Variants in AKAP10 observed in about 807,000 individuals in gnomAD.
The protein encoded by AKAP10 is A-kinase anchor protein 10, mitochondrial.
AKAP10 carries 24 observed loss-of-function variants against 80.8 expected under a neutral mutation model. The observed-to-expected ratio is 0.30, with a 90% CI of 0.22 to 0.42. The LOEUF (loss-of-function observed/expected upper bound fraction) is 0.42. AKAP10 is among the 10% of genes least tolerant of loss of function. The pLI is 1.00. For missense variants in AKAP10, 661 were observed against 794.9 expected (o/e 0.83, Z 2.03); for synonymous variants, 291 against 277.7 (o/e 1.05, Z -0.48).
Position 19,906,180 on chromosome 17 carries a change from GT to G in AKAP10, c.*46del, listed in dbSNP as rs1164751914. 6.3e-7 allele frequency: 1 copy of G among 1,584,808 alleles called. No homozygotes were observed. The highest frequency in any genetic ancestry group is 8.6e-7 in the Non-Finnish European group (1 of 1,156,754). On this transcript the variant is annotated 3_prime_UTR_variant, in exon 15 of 15. Coordinates refer to ENST00000225737, the MANE Select transcript of AKAP10 (RefSeq NM_007202.4). Reference sequence around the variant, plus strand: ...TGAAGAATCCAACCAAGGGAAAAAAGTTCTCTTATTTTTCACAAGCAGATTT... The same window carrying G: ...TGAAGAATCCAACCAAGGGAAAAAAGTCTCTTATTTTTCACAAGCAGATTT...
intron 4 of AKAP10, among the ~76,000 whole-genome samples, chr17:19,954,376 A>G (rs943461538): frequency 6.6e-6 from 1 of 152,206 alleles, no homozygotes; most frequent in Admixed American, 6.5e-5. Flanking sequence ...ACAACTAGAC[A>G]TCCATATGTA....
intron 12 of AKAP10, among the ~76,000 whole-genome samples, chr17:19,910,556 TCTC>T (rs1470940926): frequency 2.0e-5 from 3 of 152,194 alleles, no homozygotes; most frequent in Non-Finnish European, 4.4e-5. Context: ...TTTCTTCTAC[TCTC>T]CTCACTTGAT....
At chr17:19,917,219 C>G (rs533511614) in intron 12 of AKAP10, among the ~76,000 whole-genome samples, 3 of 151,584 alleles carry the variant, frequency 2.0e-5, no homozygotes, top group African/African-American at 4.9e-5. Context: ...GAGCCAAGAT[C>G]GCGCCACAGC....
At chr17:19,962,751 T>G in intron 3 of AKAP10, 89 bp downstream of exon 3, 1 of 1,332,704 alleles carries the variant, frequency 7.5e-7, no homozygotes, top group Non-Finnish European at 1.0e-6. Context: ...CACTTTCCAA[T>G]TATATAGTTC....
At chr17:19,918,622 T>C (rs1240985909) in intron 12 of AKAP10, among the ~76,000 whole-genome samples, 2 of 152,204 alleles carry the variant, frequency 1.3e-5, no homozygotes, top group East Asian at 1.9e-4. Context: ...GCCTGGCCAA[T>C]AGCTCTTAAT....
Position 19,947,465 on chromosome 17 carries a change from T to C in AKAP10, c.918A>G (p.Ile306Met). The C allele has an allele frequency of 1.9e-6, 3 of 1,613,138 alleles. No individual in the cohort carries two copies. The South Asian group carries it at 3.3e-5, about 18-fold the overall frequency. The change falls in exon 5 of 15, where the codon ATA becomes ATG. Residue 306 changes from isoleucine to methionine, a missense_variant. Ile to Met is a conservative substitution (Grantham distance 10, BLOSUM62 1). Coordinates refer to ENST00000225737, the MANE Select transcript of AKAP10 (RefSeq NM_007202.4). ...QDAVNTFTKY[I>M]SPDAAKPIPI... is the part of the protein sequence containing the mutation. ...GTATTGGTTTAGCAGCATCTGGAGA[T>C]ATATATTTGGTAAAAGTATTCACTG...
At chr17:19,926,580 G>A (rs923476306) in intron 10 of AKAP10, among the ~76,000 whole-genome samples, 3 of 152,156 alleles carry the variant, frequency 2.0e-5, no homozygotes, top group African/African-American at 7.2e-5. Flanking sequence ...CAAAGTTGAA[G>A]TTGCAAGATC....
chr17:19,959,800 C>T (rs1361655847), intron 3 of AKAP10, among the ~76,000 whole-genome samples: 2 of 152,136 alleles, frequency 1.3e-5, no homozygotes, highest in Non-Finnish European at 2.9e-5. Context: ...TGAAGCACGT[C>T]GTGTCTTCAT....
Position 19,974,706 on chromosome 17 carries a change from A to ATT in AKAP10, c.88+2884_88+2885dup, listed in dbSNP as rs55940277. Among the ~76,000 whole-genome samples, 598 of 146,590 alleles carry ATT rather than the reference A, an allele frequency of 4.1e-3. 5 individuals carry two copies. Among genetic ancestry groups the ATT allele is most frequent in the African/African-American group, 0.014 (573 of 40,096 alleles). ...CAGCCTCCAAAAAGCACCTAGAATGATTTTTTTTTTTTTTTGAGACAAGAT... is the reference window on the plus strand; with the variant it reads ...CAGCCTCCAAAAAGCACCTAGAATGATTTTTTTTTTTTTTTTTGAGACAAGAT... On this transcript the variant is annotated intron_variant, in intron 1 of 14. Transcript: ENST00000225737.
intron 3 of AKAP10, among the ~76,000 whole-genome samples, chr17:19,959,530 C>A (rs566676545): frequency 6.6e-6 from 1 of 152,224 alleles, no homozygotes; most frequent in African/African-American, 2.4e-5. Flanking sequence ...CAGCATTATT[C>A]ATTCATAGTA....
At chr17:19,906,368 A>G (rs1371794029) in intron 14 of AKAP10, 136 bp from the exon 15 acceptor site, 8 of 910,186 alleles carry the variant, frequency 8.8e-6, no homozygotes, top group Non-Finnish European at 1.3e-5. Context: ...GCTGACTACA[A>G]TTTTGTGAGG....
At position 19,941,142 on chromosome 17, in the gene AKAP10, T is replaced by C. The variant is rs1055566401; in HGVS notation, c.1062-132A>G. The C allele has an allele frequency of 8.9e-6, 8 of 900,410 alleles. No individual in the cohort carries two copies. The Admixed American group carries it at 1.0e-4, about 11-fold the overall frequency. The allele number at this position is 900,410 out of a possible 1,614,324, so 55.8% of individuals were successfully genotyped here. On this transcript the variant is annotated intron_variant, in intron 6 of 14. Coordinates refer to ENST00000225737, the MANE Select transcript of AKAP10 (RefSeq NM_007202.4). ...GTCAACACTACCTTACTCCCCATGGTGTCATTCCTGATTCCTTTACCTGTA... is the reference window on the plus strand; with the variant it reads ...GTCAACACTACCTTACTCCCCATGGCGTCATTCCTGATTCCTTTACCTGTA...
intron 4 of AKAP10, among the ~76,000 whole-genome samples, chr17:19,956,148 G>C (rs1012652059): frequency 6.6e-6 from 1 of 152,114 alleles, no homozygotes; most frequent in Non-Finnish European, 1.5e-5. Context: ...TCTACAGTAA[G>C]TATAAACCTG....
rs1567747288 is a variant in AKAP10, at chr17:19,904,469, C to A, written c.*1758G>T. On this transcript the variant is annotated 3_prime_UTR_variant, in exon 15 of 15. Transcript: ENST00000225737. Reference sequence around the variant, plus strand: ...GTTATTCCAAAACATGCAGAGGCAGCAAGAGTTGCCCAAAACCACATTTTA... The same window carrying A: ...GTTATTCCAAAACATGCAGAGGCAGAAAGAGTTGCCCAAAACCACATTTTA... 6.6e-6 allele frequency: 1 copy of A among 152,174 alleles called. No individual in the cohort carries two copies. The highest frequency in any genetic ancestry group is 1.9e-4 in the East Asian group (1 of 5,204). 9.4% of individuals were successfully genotyped at this position (152,174 alleles called of 1,614,324 possible).
rs1567765219 is a variant in AKAP10 at position 19,946,215 on chromosome 17, A to ATTT, written c.976+1191_976+1192insAAA. On this transcript the variant is annotated intron_variant, in intron 5 of 14. Transcript: ENST00000225737. ...ACTAATACATATATTTTATATATAT[A>ATTT]TATATTTTATATATATATATATTAT... Among the ~76,000 whole-genome samples the ATTT allele has an allele frequency of 5.9e-3, 289 of 48,628 alleles. 5 individuals are homozygous for ATTT. Among genetic ancestry groups the ATTT allele is most frequent in the Non-Finnish European group, 9.0e-3 (233 of 25,786 alleles). 31.9% of individuals were successfully genotyped at this position (48,628 alleles called of 152,430 possible).
At chr17:19,954,897 A>G (rs73296034) in intron 4 of AKAP10, among the ~76,000 whole-genome samples, 2,893 of 152,160 alleles carry the variant, frequency 0.019, 76 homozygotes, top group African/African-American at 0.065. Flanking sequence ...ATACAAGAAA[A>G]AAATGACAAG....
rs1020644980 is a variant in AKAP10, at chr17:19,977,498, T to G, written c.88+94A>C. ...CGAGGTCGAGGCTCGCTGAAGGCCT[T>G]GCTGCCGCCTTGGGGAAAGCCCTCG... On this transcript the variant is annotated intron_variant, in intron 1 of 14. Coordinates refer to ENST00000225737, the MANE Select transcript of AKAP10 (RefSeq NM_007202.4). 11 of 1,030,174 alleles carry G rather than the reference T, an allele frequency of 1.1e-5. No homozygotes were observed. The Middle Eastern group carries it at 1.4e-3, about 129-fold the overall frequency. The allele number at this position is 1,030,174 out of a possible 1,614,324, so 63.8% of individuals were successfully genotyped here.
At chr17:19,937,638 C>A (rs1010318346) in intron 8 of AKAP10, among the ~76,000 whole-genome samples, 3 of 152,194 alleles carry the variant, frequency 2.0e-5, no homozygotes, top group Non-Finnish European at 4.4e-5. Context: ...GCATTTTAGA[C>A]CAAATTTCTA....
chr17:19,923,977 G>A (rs116101861), intron 11 of AKAP10, among the ~76,000 whole-genome samples: 457 of 152,280 alleles, frequency 3.0e-3, no homozygotes, highest in African/African-American at 0.011. Context: ...AAGAGAAAGT[G>A]ATTTTATGAT....
Sources: gnomAD v4.1 joint callset for allele counts (sites outside exome capture counted in the v4.1 genomes callset) on GRCh38, gnomAD v4.1.1 for gene constraint, MANE v1.5 for transcripts, NCBI Gene and HGNC (gene_info 2026-07-23, HGNC 2026-07-21) for gene names.